Variants in RANBP10 observed in about 807,000 individuals in gnomAD.
The protein encoded by RANBP10 is ran-binding protein 10.
A neutral mutation model predicts 72.8 loss-of-function variants in RANBP10; 24 were observed. The observed-to-expected ratio is 0.33, with a 90% confidence interval of 0.24 to 0.46. The LOEUF (loss-of-function observed/expected upper bound fraction) is 0.46, where lower values mean the gene tolerates loss of function less well. RANBP10 is among the 20% of genes least tolerant of loss of function. RANBP10 has a pLI of 1.00. For synonymous variants in RANBP10, 310 were observed against 322.3 expected, an observed-to-expected ratio of 0.96 and a Z score of 0.41; for missense variants, 679 against 817.5, an observed-to-expected ratio of 0.83 and a Z score of 2.07.
intron 7 of RANBP10, 61 bp downstream of exon 7, chr16:67,731,411 G>T: frequency 7.0e-7 from 1 of 1,419,974 alleles, no homozygotes; most frequent in Non-Finnish European, 9.9e-7. Flanking sequence ...GTTGACATGA[G>T]CCAGAGAGCA....
intron 3 of RANBP10, among the ~76,000 whole-genome samples, chr16:67,766,149 A>G (rs189617246): frequency 2.0e-5 from 3 of 152,350 alleles, no homozygotes; most frequent in African/African-American, 4.8e-5. Flanking sequence ...CTTGGAAATC[A>G]GCAGCGGCTG....
chr16:67,734,822 G>A (rs746257742), intron 6 of RANBP10, 36 bp downstream of exon 6: 4 of 1,514,806 alleles, frequency 2.6e-6, no homozygotes, highest in Admixed American at 4.0e-5. Context: ...GCTGGGGTGG[G>A]GTGGGAGTGG....
At chr16:67,787,529 T>G (rs977023855) in intron 2 of RANBP10, among the ~76,000 whole-genome samples, 22 of 152,094 alleles carry the variant, frequency 1.4e-4, no homozygotes, top group African/African-American at 4.6e-4. Flanking sequence ...CATTCTTAGG[T>G]GAACACCCAA....
rs1412530493 is a variant in RANBP10 at position 67,729,333 on chromosome 16, T to C, written c.1299A>G (p.Ser433=). The C allele has an allele frequency of 6.2e-7, 1 of 1,612,310 alleles. No homozygotes were observed. The highest frequency in any genetic ancestry group is 8.5e-7 in the Non-Finnish European group (1 of 1,179,244). ...PSSVNYSESN[S]TDSTKSQHHS... ...GGTGCTGGGACTTGGTGGAGTCTGT[T>C]GAGTTGGACTCGGAGTAATTGACGG... is the stretch of plus-strand genomic sequence containing the variant. Residue 433 remains serine, a synonymous_variant, in exon 10 of 14, where the codon TCA becomes TCG. Transcript: ENST00000317506. This position sits in a 1 kb window ranked among gnomAD's most constrained non-coding sequence, Gnocchi z 7.1.
chr16:67,741,580 A>G (rs1316811903), intron 4 of RANBP10, among the ~76,000 whole-genome samples: 17 of 152,238 alleles, frequency 1.1e-4, no homozygotes, highest in Admixed American at 1.1e-3. Context: ...TTGTGTGGAA[A>G]TGACTGTGAG....
intron 3 of RANBP10, among the ~76,000 whole-genome samples, chr16:67,762,248 AGAGT>A (rs774683780): frequency 6.6e-6 from 1 of 152,246 alleles, no homozygotes; most frequent in African/African-American, 2.4e-5. Flanking sequence ...CCTGGGCAAC[AGAGT>A]GAGATCCCAA....
intron 2 of RANBP10, among the ~76,000 whole-genome samples, chr16:67,780,041 G>T (rs2054782253): frequency 6.6e-6 from 1 of 152,090 alleles, no homozygotes; most frequent in Non-Finnish European, 1.5e-5. Context: ...AGACTATCCT[G>T]GCCAACATAG....
intron 3 of RANBP10, among the ~76,000 whole-genome samples, chr16:67,768,956 C>T (rs1053920631): frequency 1.3e-5 from 2 of 152,222 alleles, no homozygotes; most frequent in Admixed American, 1.3e-4. Flanking sequence ...TCCCGCCACC[C>T]ATCCCTTCCC....
rs141818818 is a variant in RANBP10, at chr16:67,744,169, A to G, written c.568+119T>C. On this transcript the variant is annotated intron_variant, in intron 4 of 13. Transcript: ENST00000317506. ...CCTGAAAGGGCTCCAATGCCTGGAAATGGTGCGGTACCCCAGAGCTCAGCA... is the reference window on the plus strand; with the variant it reads ...CCTGAAAGGGCTCCAATGCCTGGAAGTGGTGCGGTACCCCAGAGCTCAGCA... 1.6e-3 allele frequency: 2,357 copies of G among 1,493,336 alleles called. 2 individuals are homozygous for G. Among genetic ancestry groups the G allele is most frequent in the Non-Finnish European group, 2.0e-3 (2,229 of 1,120,528 alleles). 92.5% of individuals were successfully genotyped at this position (1,493,336 alleles called of 1,614,324 possible).
At chr16:67,805,999 G>A (rs966699243) in intron 1 of RANBP10, among the ~76,000 whole-genome samples, 1 of 152,238 alleles carries the variant, frequency 6.6e-6, no homozygotes, top group African/African-American at 2.4e-5. Context: ...AAGCAGTGGC[G>A]AAAGGTCCCG....
intron 3 of RANBP10, among the ~76,000 whole-genome samples, chr16:67,771,068 G>A (rs907085862): frequency 6.6e-6 from 1 of 152,186 alleles, no homozygotes; most frequent in Non-Finnish European, 1.5e-5. Context: ...TTCAAGACCA[G>A]CCTGGGCAAT....
chr16:67,771,999 GAGC>G, intron 3 of RANBP10, 32 bp downstream of exon 3: 1 of 1,584,934 alleles, frequency 6.3e-7, no homozygotes. Flanking sequence ...TGGATCAGGA[GAGC>G]AGAACAAATG....
At chr16:67,806,151 T>A in intron 1 of RANBP10, 151 bp downstream of exon 1, 1 of 752,694 alleles carries the variant, frequency 1.3e-6, no homozygotes, top group South Asian at 1.9e-5. Context: ...CTCGGCCTGT[T>A]CAGCCTCACC....
intron 3 of RANBP10, among the ~76,000 whole-genome samples, chr16:67,765,508 CAA>C (rs1259441968): frequency 1.3e-5 from 2 of 151,822 alleles, no homozygotes; most frequent in East Asian, 2.0e-4. Flanking sequence ...GCTTGGGCAA[CAA>C]GAGCAAAACT....
chr16:67,726,477 G>A lies in RANBP10; in HGVS notation c.1814C>T (p.Ala605Val). 6.2e-7 allele frequency: 1 copy of A among 1,606,028 alleles called. No individual in the cohort carries two copies. The highest frequency in any genetic ancestry group is 8.5e-7 in the Non-Finnish European group (1 of 1,176,256). Residue 605 changes from alanine (A) to valine (V), a missense_variant, in exon 14 of 14, where the codon GCA becomes GTA. Transcript: ENST00000317506. ...GGCAAAGGAGCAAGAACCCAGGCCT[G>A]CTCGGGCCATGAGCCGGAGACACTC... ...ASECLRLMAR[A>V]GLGSCSFARV...
intron 2 of RANBP10, among the ~76,000 whole-genome samples, chr16:67,773,486 C>A (rs538245916): frequency 1.3e-5 from 2 of 152,268 alleles, no homozygotes; most frequent in East Asian, 3.9e-4. Context: ...CCTTTATTGG[C>A]AGTAAATGCC....
At chr16:67,746,221 C>T (rs2054074074) in intron 3 of RANBP10, among the ~76,000 whole-genome samples, 1 of 150,488 alleles carries the variant, frequency 6.6e-6, no homozygotes, top group South Asian at 2.1e-4. Context: ...GTGGCTCGCA[C>T]CTGTAATCCC....
At position 67,801,315 on chromosome 16, in the gene RANBP10, T is replaced by G. The variant is rs562184333; in HGVS notation, c.347+4113A>C. On this transcript the variant is annotated intron_variant, in intron 2 of 13. Transcript: ENST00000317506. The stretch of plus-strand genomic sequence containing the variant: ...TCAGCTCTGTCCCCTAACATTGCAA[T>G]CTGGTAGGAATCCAACAGAACATTC... Among the ~76,000 whole-genome samples, 25 of 152,244 alleles carry G rather than the reference T, an allele frequency of 1.6e-4. No individual in the cohort carries two copies. In the South Asian group the frequency reaches 4.6e-3, roughly 28 times the overall value.
intron 10 of RANBP10, 82 bp from the exon 11 acceptor site, chr16:67,728,593 C>A: frequency 6.2e-7 from 1 of 1,605,402 alleles, no homozygotes; most frequent in Non-Finnish European, 8.5e-7. Context: ...AAGCTGTAGC[C>A]ATGGGTTGCT....
Sources: allele counts gnomAD v4.1 joint callset (sites outside exome capture counted in the v4.1 genomes callset), GRCh38; gene constraint gnomAD v4.1.1; non-coding constraint Gnocchi (gnomAD v3.1); transcripts MANE v1.5; gene names NCBI Gene and HGNC (gene_info 2026-07-23, HGNC 2026-07-21).